CCR6: variants seen among roughly 807,000 people sequenced by gnomAD.
CCR6 encodes C-C motif chemokine receptor 6, also known as C-C chemokine receptor type 6.
A neutral mutation model predicts 3.0 loss-of-function variants in CCR6; 2 were observed. The observed-to-expected ratio is 0.66, with a 90% CI of 0.27 to 2.07. CCR6 has a LOEUF of 2.07. Ranked by LOEUF, CCR6 falls within the 30% of genes most tolerant of loss-of-function variation. The pLI is 0.14. For synonymous variants in CCR6, 193 were observed against 184.3 expected (o/e 1.05, Z -0.38); for missense variants, 322 against 462.8 (o/e 0.70, Z 2.79).
intron 1 of CCR6, chr6:167,116,711 C>T (rs1285873023): frequency 6.6e-6 from 1 of 152,346 alleles, no homozygotes; most frequent in African/African-American, 2.4e-5. Flanking sequence ...TATGCCACCC[C>T]CTAGCAGAGA....
chr6:167,118,306 G>A (rs756921095), upstream of CCR6, among the ~76,000 whole-genome samples: 19 of 152,146 alleles, frequency 1.2e-4, no homozygotes, highest in Non-Finnish European at 2.4e-4. Flanking sequence ...TAAAATCCTC[G>A]TGTATTGATT....
intron 1 of CCR6, among the ~76,000 whole-genome samples, chr6:167,114,653 C>T (rs1582988927): frequency 6.6e-6 from 1 of 152,256 alleles, no homozygotes; most frequent in Non-Finnish European, 1.5e-5. Context: ...GTGACGGCTG[C>T]TGTAACCAGC....
intron 1 of CCR6, among the ~76,000 whole-genome samples, chr6:167,126,870 A>G (rs1308958669): frequency 6.6e-6 from 1 of 152,040 alleles, no homozygotes; most frequent in Non-Finnish European, 1.5e-5. Flanking sequence ...CTGGGCACTC[A>G]TTCTTCTCCT....
rs1307350683 is a variant in CCR6, at chr6:167,135,966, GTAACT to G, written c.-97-66_-97-62del. The stretch of plus-strand genomic sequence containing the variant: ...TCTGTTCACACGAGATGGAATGCTG[GTAACT>G]TAACTGTCTGGCTCTCCAGGAATAC... On this transcript the variant is annotated intron_variant, in intron 1 of 2. Coordinates refer to ENST00000341935, the MANE Select transcript of CCR6 (RefSeq NM_031409.4). 10 of 694,682 alleles carry G rather than the reference GTAACT, an allele frequency of 1.4e-5. No individual in the cohort carries two copies. The African/African-American group carries it at 1.8e-4, about 12-fold the overall frequency. 43.0% of individuals were successfully genotyped at this position (694,682 alleles called of 1,614,324 possible). A position where few individuals can be genotyped will look rare whatever the true frequency, so the allele number is the denominator to read the frequency against.
At chr6:167,114,676 C>T (rs982317617) in intron 1 of CCR6, among the ~76,000 whole-genome samples, 3 of 152,338 alleles carry the variant, frequency 2.0e-5, no homozygotes, top group South Asian at 2.1e-4. Flanking sequence ...GTGGCTCTGA[C>T]GTCACCGTGC....
upstream of CCR6, among the ~76,000 whole-genome samples, chr6:167,118,743 C>T (rs898230524): frequency 2.0e-5 from 3 of 152,120 alleles, no homozygotes; most frequent in South Asian, 2.1e-4. Flanking sequence ...GAGGAAGTTG[C>T]GTTTTTCCTC....
At position 167,137,564 on chromosome 6, in the gene CCR6, A is replaced by G; in HGVS notation, c.*209A>G. 1.9e-6 allele frequency: 1 copy of G among 535,242 alleles called. No homozygotes were observed. Among genetic ancestry groups the G allele is most frequent in the Non-Finnish European group, 3.3e-6 (1 of 303,684 alleles). 33.2% of individuals were successfully genotyped at this position (535,242 alleles called of 1,614,324 possible). On this transcript the variant is annotated 3_prime_UTR_variant, in exon 3 of 3. Transcript: ENST00000341935. The surrounding 1 kb of genome is among the most constrained non-coding windows in gnomAD (Gnocchi z 4.6). ...AGGTAGCATTTTCCAGCACTTTGCAAGGAATGTTTTGTAGCTCTAGGGTAT... is the reference window on the plus strand; with the variant it reads ...AGGTAGCATTTTCCAGCACTTTGCAGGGAATGTTTTGTAGCTCTAGGGTAT...
intron 1 of CCR6, among the ~76,000 whole-genome samples, chr6:167,128,927 A>G (rs751199394): frequency 1.3e-4 from 20 of 152,066 alleles, no homozygotes; most frequent in Admixed American, 6.5e-4. Flanking sequence ...GAATTTTACA[A>G]CATTAGATTT....
chr6:167,133,932 G>GTGTATATATA (rs1183741225), intron 1 of CCR6, among the ~76,000 whole-genome samples: 2,716 of 110,056 alleles, frequency 0.025, 315 homozygotes, highest in Non-Finnish European at 0.028. Context: ...ATATATGTGT[G>GTGTATATATA]TATATATATA....
intron 1 of CCR6, among the ~76,000 whole-genome samples, chr6:167,133,604 A>C (rs1781802050): frequency 6.6e-6 from 1 of 151,808 alleles, no homozygotes; most frequent in Non-Finnish European, 1.5e-5. Flanking sequence ...ATTTCTATAA[A>C]AATTTTGGAA....
chr6:167,131,033 T>G (rs1781755488), intron 1 of CCR6, among the ~76,000 whole-genome samples: 3 of 111,402 alleles, frequency 2.7e-5, no homozygotes, highest in Middle Eastern at 4.1e-3. Flanking sequence ...CCCATCCCTC[T>G]GGACCCCTTC....
At chr6:167,124,165 A>G (rs1582995528) in intron 1 of CCR6, among the ~76,000 whole-genome samples, 1 of 152,178 alleles carries the variant, frequency 6.6e-6, no homozygotes, top group East Asian at 1.9e-4. Context: ...ACAAAAATGC[A>G]AGGCCATAAC....
chr6:167,124,823 G>C (rs1418112421), intron 1 of CCR6, among the ~76,000 whole-genome samples: 1 of 149,356 alleles, frequency 6.7e-6, no homozygotes, highest in Non-Finnish European at 1.5e-5. Context: ...ACACATATGC[G>C]TGCATATATA....
intron 1 of CCR6, among the ~76,000 whole-genome samples, 164 bp from the exon 2 acceptor site, chr6:167,135,874 T>G (rs1781842284): frequency 6.6e-6 from 1 of 152,192 alleles, no homozygotes; most frequent in Non-Finnish European, 1.5e-5. Flanking sequence ...ATCTGGCCCT[T>G]TACAGAAAGA....
At chr6:167,114,329 A>C (rs1781461550) in intron 1 of CCR6, among the ~76,000 whole-genome samples, 1 of 152,294 alleles carries the variant, frequency 6.6e-6, no homozygotes, top group Admixed American at 6.5e-5. Flanking sequence ...CTTAGCTGAG[A>C]CGGTCTAGCT....
At chr6:167,129,287 A>G (rs1781716866) in intron 1 of CCR6, among the ~76,000 whole-genome samples, 2 of 152,128 alleles carry the variant, frequency 1.3e-5, no homozygotes, top group African/African-American at 4.8e-5. Flanking sequence ...CACCTCCCTG[A>G]TCTGCAGTTT....
At chr6:167,131,358 G>A (rs934778784) in intron 1 of CCR6, 6 of 152,220 alleles carry the variant, frequency 3.9e-5, no homozygotes, top group South Asian at 2.1e-4. Context: ...TTAAATGGGG[G>A]CCCGTTGGGC....
At chr6:167,115,497 A>C (rs906596215) in intron 1 of CCR6, 5 of 152,206 alleles carry the variant, frequency 3.3e-5, no homozygotes, top group Admixed American at 3.3e-4. Context: ...GTGTTTAAGC[A>C]GGGTGCCTTG....
chr6:167,131,227 G>C (rs1169395172), intron 1 of CCR6: 1 of 152,238 alleles, frequency 6.6e-6, no homozygotes, highest in Non-Finnish European at 1.5e-5. Context: ...AGTACGCGTT[G>C]AGTCATCGCT....
Sources: gnomAD v4.1 joint callset for allele counts (sites outside exome capture counted in the v4.1 genomes callset) on GRCh38, gnomAD v4.1.1 for gene constraint, Gnocchi (gnomAD v3.1) non-coding constraint, MANE v1.5 for transcripts, NCBI Gene and HGNC (gene_info 2026-07-23, HGNC 2026-07-21) for gene names.